The following FAM241A variants were observed in gnomAD, a reference collection of about 807,000 sequenced individuals.
FAM241A encodes the protein uncharacterized protein FAM241A.
Under a neutral mutation model 12.2 loss-of-function variants are expected in FAM241A, and 7 were observed. The observed-to-expected ratio is 0.58, with a 90% CI of 0.33 to 1.08. The LOEUF (loss-of-function observed/expected upper bound fraction) is 1.08, where lower values mean the gene tolerates loss of function less well. Ranked by LOEUF, FAM241A falls within the 50% of genes least tolerant of loss-of-function variation. The pLI, the probability that FAM241A is intolerant of heterozygous loss-of-function variation, is 0.04. For missense variants in FAM241A, 161 were observed against 169.7 expected, an observed-to-expected ratio of 0.95 and a Z score of 0.29; for synonymous variants, 74 against 68.2, an observed-to-expected ratio of 1.08 and a Z score of -0.42.
intron 1 of FAM241A, among the ~76,000 whole-genome samples, chr4:112,165,237 C>G (rs2110426688): frequency 6.6e-6 from 1 of 152,192 alleles, no homozygotes; most frequent in African/African-American, 2.4e-5. Context: ...GTCTTTTATC[C>G]AAAAGACAGG....
intron 1 of FAM241A, among the ~76,000 whole-genome samples, chr4:112,179,706 A>T (rs1723889909): frequency 7.1e-6 from 1 of 141,256 alleles, no homozygotes; most frequent in East Asian, 2.5e-4. Context: ...TTAAAGTATA[A>T]TAAAATATAT....
At chr4:112,184,346 AT>A (rs1227732714) in intron 1 of FAM241A, among the ~76,000 whole-genome samples, 1 of 152,200 alleles carries the variant, frequency 6.6e-6, no homozygotes, top group Non-Finnish European at 1.5e-5. Flanking sequence ...TCTGACCAAC[AT>A]GGTGAAACCC....
At chr4:112,150,665 C>T (rs999513687) in intron 1 of FAM241A, among the ~76,000 whole-genome samples, 9 of 152,060 alleles carry the variant, frequency 5.9e-5, no homozygotes, top group Non-Finnish European at 1.2e-4. Flanking sequence ...TGAGGGGGGT[C>T]CATGCCTTTT....
At chr4:112,167,485 C>A (rs1348595348) in intron 1 of FAM241A, among the ~76,000 whole-genome samples, 1 of 152,136 alleles carries the variant, frequency 6.6e-6, no homozygotes, top group African/African-American at 2.4e-5. Flanking sequence ...GAACTTGGTA[C>A]TGGGCATGTT....
chr4:112,184,553 G>T (rs1373608504), intron 1 of FAM241A, among the ~76,000 whole-genome samples: 1 of 152,100 alleles, frequency 6.6e-6, no homozygotes, highest in African/African-American at 2.4e-5. Flanking sequence ...TAAAAGTATA[G>T]CTCAAAAGTA....
At chr4:112,166,890 G>A (rs1232802715) in intron 1 of FAM241A, among the ~76,000 whole-genome samples, 3 of 149,674 alleles carry the variant, frequency 2.0e-5, no homozygotes, top group East Asian at 2.0e-4. Flanking sequence ...CGAGGCGGGC[G>A]GATCACGAGG....
intron 1 of FAM241A, among the ~76,000 whole-genome samples, chr4:112,157,012 G>A (rs187299364): frequency 1.0e-3 from 159 of 152,198 alleles, no homozygotes; most frequent in Non-Finnish European, 2.0e-3. Context: ...TAGAAAGATA[G>A]TGAATAAAAT....
intron 1 of FAM241A, among the ~76,000 whole-genome samples, chr4:112,150,176 G>A (rs1723220071): frequency 6.6e-6 from 1 of 151,646 alleles, no homozygotes; most frequent in African/African-American, 2.4e-5. Context: ...ATCTTTTTTT[G>A]TCCTAATCAT....
chr4:112,145,861 C>T (rs1210751722), intron 1 of FAM241A, 128 bp downstream of exon 1: 1 of 494,934 alleles, frequency 2.0e-6, no homozygotes, highest in African/African-American at 2.1e-5. Flanking sequence ...ACTGGCTCCC[C>T]GGCGCTCTGG....
At chr4:112,179,959 GTATA>G (rs1203407370) in intron 1 of FAM241A, among the ~76,000 whole-genome samples, 8 of 123,138 alleles carry the variant, frequency 6.5e-5, no homozygotes, top group Non-Finnish European at 8.6e-5. Context: ...GTGTGTGTGT[GTATA>G]TATATATATC....
rs1724185266 is a variant in FAM241A, at chr4:112,192,439, G to A, written c.*5501G>A. ...TATACATGTGCCATGCTAGTGTGCT[G>A]CACCCATTAACTCGTCATTTAGCAT... On this transcript the variant is annotated 3_prime_UTR_variant, in exon 2 of 2. Transcript: ENST00000309733. The A allele has an allele frequency of 6.6e-6, 1 of 151,542 alleles. No individual in the cohort carries two copies. 9.4% of individuals were successfully genotyped at this position (151,542 alleles called of 1,614,324 possible). A position where few individuals can be genotyped will look rare whatever the true frequency, so the allele number is the denominator to read the frequency against.
Position 112,145,472 on chromosome 4 carries a change from AGCGGCGGGT to A in FAM241A, c.-101_-93del. ...GGGGCGCGCTCCGGCGGCTCCTGTCAGCGGCGGGTGCGGCGGATCCCAGGGCAGCCTTCG... is the reference window on the plus strand; with the variant it reads ...GGGGCGCGCTCCGGCGGCTCCTGTCAGCGGCGGATCCCAGGGCAGCCTTCG... On this transcript the variant is annotated 5_prime_UTR_variant, in exon 1 of 2. Transcript: ENST00000309733. The A allele has an allele frequency of 9.1e-7, 1 of 1,097,634 alleles. No individual in the cohort carries two copies. 68.0% of individuals were successfully genotyped at this position (1,097,634 alleles called of 1,614,324 possible).
intron 1 of FAM241A, among the ~76,000 whole-genome samples, chr4:112,178,565 C>G (rs1028741544): frequency 5.3e-5 from 8 of 152,080 alleles, no homozygotes; most frequent in African/African-American, 1.7e-4. Flanking sequence ...ATACCCTTCT[C>G]AACATCGGCC....
rs1338533417 is a variant in FAM241A, at chr4:112,193,957, A to T, written c.*7019A>T. 4 of 148,684 alleles carry T rather than the reference A, an allele frequency of 2.7e-5. No homozygotes were observed. The highest frequency in any genetic ancestry group is 2.0e-4 in the East Asian group (1 of 5,076). 9.2% of individuals were successfully genotyped at this position (148,684 alleles called of 1,614,324 possible). A position where few individuals can be genotyped will look rare whatever the true frequency, so the allele number is the denominator to read the frequency against. ...CTTGGGCAGTATGGCCATTTTCACG[A>T]TATTGATTCTTCCTATCCATGAGCA... is the stretch of plus-strand genomic sequence containing the variant. On this transcript the variant is annotated 3_prime_UTR_variant, in exon 2 of 2. Transcript: ENST00000309733.
rs561605823 is a variant in FAM241A at position 112,159,026 on chromosome 4, A to T, written c.153+13293A>T. 3.3e-5 allele frequency among the ~76,000 whole-genome samples: 5 copies of T among 152,268 alleles called. No homozygotes were observed. The South Asian group carries it at 1.0e-3, about 32-fold the overall frequency. ...CTGTCATTCTACTCTGTCTCCAAAA[A>T]ATCAACCTTTTTAGCTCTCACATAT... On this transcript the variant is annotated intron_variant, in intron 1 of 1. Coordinates refer to ENST00000309733, the MANE Select transcript of FAM241A (RefSeq NM_152400.3).
At chr4:112,157,405 A>C (rs1723376176) in intron 1 of FAM241A, among the ~76,000 whole-genome samples, 2 of 152,128 alleles carry the variant, frequency 1.3e-5, no homozygotes, top group South Asian at 4.1e-4. Context: ...AATGCCATAG[A>C]GACACCCAGA....
chr4:112,186,673 C>CTTTTT lies in FAM241A; in HGVS notation c.154-9_154-5dup. 7.0e-7 allele frequency: 1 copy of CTTTTT among 1,432,234 alleles called. No individual in the cohort carries two copies. Among genetic ancestry groups the CTTTTT allele is most frequent in the Non-Finnish European group, 9.5e-7 (1 of 1,054,018 alleles). 88.7% of individuals were successfully genotyped at this position (1,432,234 alleles called of 1,614,324 possible). ...TTCTCATGTTATGTTCATGTTTTGT[C>CTTTTT]TTTTTTTTTTTTTTTAAAGGATGTT... On this transcript the variant is annotated intron_variant, in intron 1 of 1. Transcript: ENST00000309733.
rs1214742445 is a variant in FAM241A at position 112,189,016 on chromosome 4, T to C, written c.*2078T>C. 1 of 152,188 alleles carries C rather than the reference T, an allele frequency of 6.6e-6. No individual in the cohort carries two copies. The highest frequency in any genetic ancestry group is 1.5e-5 in the Non-Finnish European group (1 of 68,026). The allele number at this position is 152,188 out of a possible 1,614,324, so 9.4% of individuals were successfully genotyped here. A position where few individuals can be genotyped will look rare whatever the true frequency, so the allele number is the denominator to read the frequency against. On this transcript the variant is annotated 3_prime_UTR_variant, in exon 2 of 2. Coordinates refer to ENST00000309733, the MANE Select transcript of FAM241A (RefSeq NM_152400.3). ...TGTAATGGAAATAAAATATTTTCTTTTATGAAATATATTAGAATGCAGATT... is the reference window on the plus strand; with the variant it reads ...TGTAATGGAAATAAAATATTTTCTTCTATGAAATATATTAGAATGCAGATT...
chr4:112,172,329 T>C (rs1723740139), intron 1 of FAM241A, among the ~76,000 whole-genome samples: 1 of 152,252 alleles, frequency 6.6e-6, no homozygotes, highest in Non-Finnish European at 1.5e-5. Flanking sequence ...ACCTTTGAGA[T>C]GAAGAGGAAT....
Sources: allele counts gnomAD v4.1 joint callset (sites outside exome capture counted in the v4.1 genomes callset), GRCh38; gene constraint gnomAD v4.1.1; transcripts MANE v1.5; gene names NCBI Gene and HGNC (gene_info 2026-07-23, HGNC 2026-07-21).